The following IL1RAPL1 variants were observed in gnomAD, a reference collection of about 807,000 sequenced individuals.
IL1RAPL1 encodes the protein interleukin-1 receptor accessory protein-like 1.
A neutral mutation model predicts 48.4 loss-of-function variants in IL1RAPL1; 3 were observed. That is an observed-to-expected ratio of 0.06 (90% CI 0.03 to 0.16). IL1RAPL1 has a LOEUF of 0.16. IL1RAPL1 is among the 10% of genes least tolerant of loss of function. IL1RAPL1 has a pLI of 1.00. For synonymous variants in IL1RAPL1, 185 were observed against 187.7 expected (o/e 0.99, Z 0.12); for missense variants, 349 against 530.6 (o/e 0.66, Z 3.36).
chrX:29,042,590 C>A (rs1325546523), intron 2 of IL1RAPL1, among the ~76,000 whole-genome samples: 2 of 111,414 alleles, frequency 1.8e-5, no homozygotes, highest in Non-Finnish European at 3.8e-5. Context: ...TTTCAGCCCT[C>A]ATTGTAAGCG....
At chrX:29,039,285 A>T (rs1001553181) in intron 2 of IL1RAPL1, among the ~76,000 whole-genome samples, 1 of 109,968 alleles carries the variant, frequency 9.1e-6, no homozygotes, top group Non-Finnish European at 1.9e-5. Context: ...AGTCTGTTAT[A>T]AAAAAAAAGC....
intron 5 of IL1RAPL1, among the ~76,000 whole-genome samples, chrX:29,405,468 G>C (rs1488505783): frequency 1.0e-5 from 1 of 97,771 alleles, no homozygotes; most frequent in East Asian, 3.0e-4. Flanking sequence ...CCGGGTTCAC[G>C]CCATTCTCCT....
At chrX:29,354,022 CAAAT>C (rs746293750) in intron 3 of IL1RAPL1, among the ~76,000 whole-genome samples, 1 of 110,364 alleles carries the variant, frequency 9.1e-6, no homozygotes, top group East Asian at 2.8e-4. Flanking sequence ...AATAAGCAAA[CAAAT>C]AACCTTATTG....
At chrX:29,268,909 T>C (rs1569273782) in intron 2 of IL1RAPL1, among the ~76,000 whole-genome samples, 1 of 112,112 alleles carries the variant, frequency 8.9e-6, no homozygotes, top group Non-Finnish European at 1.9e-5. Flanking sequence ...ATTTCAAATA[T>C]TGTTGGTTGT....
At chrX:29,422,930 G>A (rs1934308416) in intron 5 of IL1RAPL1, among the ~76,000 whole-genome samples, 1 of 111,734 alleles carries the variant, frequency 8.9e-6, no homozygotes, top group Non-Finnish European at 1.9e-5. Flanking sequence ...GAAATGGATG[G>A]TTGGATATGC....
chrX:29,841,488 T>C (rs1177447459), intron 6 of IL1RAPL1, among the ~76,000 whole-genome samples: 1 of 111,418 alleles, frequency 9.0e-6, no homozygotes, highest in East Asian at 2.8e-4. Context: ...TATACTTGAA[T>C]AGACTGCATT....
chrX:29,187,481 G>C (rs935111457), intron 2 of IL1RAPL1, among the ~76,000 whole-genome samples: 3 of 111,318 alleles, frequency 2.7e-5, no homozygotes, highest in African/African-American at 9.8e-5. Flanking sequence ...GATGACGCCT[G>C]TTTGTACTGT....
intron 1 of IL1RAPL1, among the ~76,000 whole-genome samples, chrX:28,600,144 T>G (rs1410928182): frequency 8.9e-6 from 1 of 111,979 alleles, no homozygotes; most frequent in Non-Finnish European, 1.9e-5. Flanking sequence ...ATTTTTTCTC[T>G]CACCCCTTGA....
At chrX:29,024,637 A>G (rs1926444902) in intron 2 of IL1RAPL1, among the ~76,000 whole-genome samples, 1 of 112,165 alleles carries the variant, frequency 8.9e-6, no homozygotes, top group South Asian at 3.7e-4. Flanking sequence ...CTTATCATTT[A>G]AAGAAGCAAT....
At chrX:29,402,277 T>C (rs1056000958) in intron 5 of IL1RAPL1, among the ~76,000 whole-genome samples, 10 of 111,482 alleles carry the variant, frequency 9.0e-5, no homozygotes, top group African/African-American at 2.9e-4. Flanking sequence ...AGGTTTTTTA[T>C]CTTCTCCTTT....
At chrX:29,012,434 C>T (rs1453100234) in intron 2 of IL1RAPL1, among the ~76,000 whole-genome samples, 1 of 111,180 alleles carries the variant, frequency 9.0e-6, no homozygotes, top group Non-Finnish European at 1.9e-5. Flanking sequence ...ATCCCAGTTA[C>T]TAGAGAGGCT....
At chrX:28,727,956 A>T (rs1935701205) in intron 1 of IL1RAPL1, among the ~76,000 whole-genome samples, 1 of 110,252 alleles carries the variant, frequency 9.1e-6, no homozygotes, top group Non-Finnish European at 1.9e-5. Context: ...GCATTGGGAG[A>T]TATACCTAAT....
chrX:29,590,218 C>T (rs757206044), intron 5 of IL1RAPL1, among the ~76,000 whole-genome samples: 3 of 111,107 alleles, frequency 2.7e-5, no homozygotes, highest in Admixed American at 9.5e-5. Flanking sequence ...CAGTCACCTC[C>T]CACCAGGCCC....
At chrX:29,599,975 T>A (rs1269015991) in intron 5 of IL1RAPL1, among the ~76,000 whole-genome samples, 1 of 112,560 alleles carries the variant, frequency 8.9e-6, no homozygotes, top group East Asian at 2.8e-4. Flanking sequence ...GGTGCATCCT[T>A]GATTAACTTA....
At chrX:29,931,101 A>G (rs1932943634) in intron 8 of IL1RAPL1, among the ~76,000 whole-genome samples, 1 of 111,293 alleles carries the variant, frequency 9.0e-6, no homozygotes, top group Middle Eastern at 4.6e-3. Context: ...GAGGCAAGTA[A>G]TGGTAGGGTC....
intron 6 of IL1RAPL1, among the ~76,000 whole-genome samples, chrX:29,730,197 G>A (rs1333557746): frequency 8.9e-6 from 1 of 111,800 alleles, no homozygotes; most frequent in Non-Finnish European, 1.9e-5. Context: ...TCTTTCAGGG[G>A]ACTTTTGGGA....
chrX:28,590,814 A>C (rs780504857), intron 1 of IL1RAPL1, among the ~76,000 whole-genome samples: 8 of 112,383 alleles, frequency 7.1e-5, no homozygotes, highest in South Asian at 3.7e-4. Flanking sequence ...TGGAAATAAT[A>C]GCAGGATGGA....
intron 1 of IL1RAPL1, among the ~76,000 whole-genome samples, chrX:28,730,324 G>T (rs911427408): frequency 6.3e-5 from 7 of 111,377 alleles, no homozygotes; most frequent in Middle Eastern, 4.6e-3. Flanking sequence ...TATATAGTTA[G>T]AAAGGGCTAT....
chrX:29,155,425 ATTG>A (rs1274018680), intron 2 of IL1RAPL1, among the ~76,000 whole-genome samples: 13 of 112,112 alleles, frequency 1.2e-4, no homozygotes, highest in African/African-American at 4.2e-4. Context: ...TGAGAGCTCT[ATTG>A]TTGTCTTTAA....
Sources: allele counts gnomAD v4.1 joint callset (sites outside exome capture counted in the v4.1 genomes callset), GRCh38; gene constraint gnomAD v4.1.1; transcripts MANE v1.5; gene names NCBI Gene and HGNC (gene_info 2026-07-23, HGNC 2026-07-21).